GALNT16: variants seen among roughly 807,000 people sequenced by gnomAD.
The protein encoded by GALNT16 is polypeptide N-acetylgalactosaminyltransferase 16, also known as UDP-GalNAc:polypeptide N-acetylgalactosaminyltransferase-like protein 1.
GALNT16 carries 40 observed loss-of-function variants against 76.1 expected under a neutral mutation model. The ratio of observed to expected loss-of-function variants is 0.53; its 90% CI spans 0.41 to 0.68. The LOEUF (loss-of-function observed/expected upper bound fraction) is 0.68. Ranked by LOEUF, GALNT16 falls within the 30% of genes least tolerant of loss-of-function variation. The pLI, the probability that GALNT16 is intolerant of heterozygous loss-of-function variation, is 0.00. For missense variants in GALNT16, 621 were observed against 731.9 expected, an observed-to-expected ratio of 0.85 and a Z score of 1.75; for synonymous variants, 276 against 285.2, an observed-to-expected ratio of 0.97 and a Z score of 0.32.
intron 1 of GALNT16, among the ~76,000 whole-genome samples, chr14:69,266,628 T>C (rs539561134): frequency 2.6e-5 from 4 of 152,212 alleles, no homozygotes; most frequent in Non-Finnish European, 5.9e-5. Flanking sequence ...CACAGAACCA[T>C]CCAACATGGG....
Position 69,333,679 on chromosome 14 carries a change from C to CTCT in GALNT16, c.967+79_967+80insTCT. The CTCT allele has an allele frequency of 1.3e-6, 1 of 779,912 alleles. No homozygotes were observed. The allele number at this position is 779,912 out of a possible 1,614,324, so 48.3% of individuals were successfully genotyped here. A position where few individuals can be genotyped will look rare whatever the true frequency, so the allele number is the denominator to read the frequency against. ...TAACCCTGACAGAGCACTTTCTATG[C>CTCT]GTGAGGACCTGCTCTAAGGACTTTA... On this transcript the variant is annotated intron_variant, in intron 9 of 14. Transcript: ENST00000448469. The surrounding 1 kb of genome is among the most constrained non-coding windows in gnomAD (Gnocchi z 4.2).
At chr14:69,316,155 A>T (rs2045097655) in intron 1 of GALNT16, among the ~76,000 whole-genome samples, 1 of 152,180 alleles carries the variant, frequency 6.6e-6, no homozygotes, top group East Asian at 1.9e-4. Flanking sequence ...GTCCTGCCAG[A>T]AGCCTATGAG....
At chr14:69,381,267 AAAAAAC>A in the GALNT16 span, among the ~76,000 whole-genome samples, 1 of 152,222 alleles carries the variant, frequency 6.6e-6, no homozygotes, top group African/African-American at 2.4e-5. Flanking sequence ...CTCCATCTCA[AAAAAAC>A]AAAAACAACA....
chr14:69,325,378 T>C lies in GALNT16; in HGVS notation c.476T>C (p.Ile159Thr). The C allele has an allele frequency of 6.3e-7, 1 of 1,597,984 alleles. No homozygotes were observed. The highest frequency in any genetic ancestry group is 1.3e-5 in the African/African-American group (1 of 74,648). Reference protein sequence around the residue: ...RTPANLIQEIILVDDFSSDPE... With the variant: ...RTPANLIQEITLVDDFSSDPE... The stretch of plus-strand genomic sequence containing the variant: ...CCTGCCAACTTGATCCAGGAGATCA[T>C]TTTAGTGGATGACTTCAGCTCAGAT... The change falls in exon 4 of 15, where the codon ATT (isoleucine) becomes ACT (threonine). Residue 159 changes from isoleucine to threonine, a missense_variant. Ile to Thr is a moderately conservative substitution (Grantham distance 89, BLOSUM62 -1). Transcript: ENST00000448469.
rs2045574072 is a variant in GALNT16, at chr14:69,347,029, T to C, written c.1272-11T>C. On this transcript the variant is annotated splice_polypyrimidine_tract_variant and intron_variant, in intron 12 of 14. Transcript: ENST00000448469. ...GGAAAGCACAAGCCTGACTGCTGCC[T>C]TTTCTCTCAGGGTCCCCGTGAAGGA... The C allele has an allele frequency of 6.2e-7, 1 of 1,613,776 alleles. No individual in the cohort carries two copies. Among genetic ancestry groups the C allele is most frequent in the African/African-American group, 1.3e-5 (1 of 74,896 alleles).
the GALNT16 span, chr14:69,380,172 G>T: frequency 1.2e-5 from 2 of 168,920 alleles, no homozygotes; most frequent in East Asian, 1.6e-4. Flanking sequence ...ACTTTATCTT[G>T]AGGACATGGC....
intron 1 of GALNT16, among the ~76,000 whole-genome samples, chr14:69,307,281 C>G (rs968454396): frequency 2.6e-5 from 4 of 152,324 alleles, no homozygotes; most frequent in African/African-American, 9.6e-5. Flanking sequence ...GACAAACGTA[C>G]CTCGAGCAGC....
At chr14:69,300,810 C>T (rs1243695176) in intron 1 of GALNT16, among the ~76,000 whole-genome samples, 1 of 152,166 alleles carries the variant, frequency 6.6e-6, no homozygotes, top group African/African-American at 2.4e-5. Context: ...TACCCCCACA[C>T]TCCCCTCCCC....
chr14:69,377,484 T>C, the GALNT16 span, among the ~76,000 whole-genome samples: 1 of 152,210 alleles, frequency 6.6e-6, no homozygotes, highest in Admixed American at 6.6e-5. Flanking sequence ...AGTATCATTA[T>C]GCTAACATAT....
chr14:69,314,465 C>A (rs2045071858), intron 1 of GALNT16, among the ~76,000 whole-genome samples: 1 of 152,182 alleles, frequency 6.6e-6, no homozygotes. Flanking sequence ...GGAGCAGACT[C>A]CTGAGGGACC....
chr14:69,296,172 A>AGAG (rs1359049725), intron 1 of GALNT16, among the ~76,000 whole-genome samples: 1 of 152,104 alleles, frequency 6.6e-6, no homozygotes. Context: ...TAGGAGGAAG[A>AGAG]GAGGAGGAGG....
intron 1 of GALNT16, among the ~76,000 whole-genome samples, chr14:69,283,847 T>G (rs1258981475): frequency 2.6e-5 from 4 of 152,216 alleles, no homozygotes; most frequent in Non-Finnish European, 4.4e-5. Flanking sequence ...TTCATTCATT[T>G]AAGATATATT....
Position 69,352,063 on chromosome 14 carries a change from T to G in GALNT16, c.1572T>G (p.His524Gln). 1 of 1,613,946 alleles carries G rather than the reference T, an allele frequency of 6.2e-7. No homozygotes were observed. Among genetic ancestry groups the G allele is most frequent in the Non-Finnish European group, 8.5e-7 (1 of 1,179,780 alleles). ...KWRRKGSFIQ[H>Q]SVSGLCLETK... is the part of the protein sequence containing the mutation. ...GGAGAAAAGGATCTTTCATCCAGCATTCAGTCAGTGGCCTCTGCCTGGAGA... is the reference window on the plus strand; with the variant it reads ...GGAGAAAAGGATCTTTCATCCAGCAGTCAGTCAGTGGCCTCTGCCTGGAGA... Residue 524 changes from histidine (H) to glutamine (Q), a missense_variant, in exon 15 of 15, where the codon CAT becomes CAG. Physicochemically the swap from His to Gln is conservative, Grantham distance 24. Coordinates refer to ENST00000448469, the MANE Select transcript of GALNT16 (RefSeq NM_001168368.2).
intron 1 of GALNT16, among the ~76,000 whole-genome samples, chr14:69,304,023 A>G (rs547519065): frequency 6.6e-6 from 1 of 152,132 alleles, no homozygotes; most frequent in African/African-American, 2.4e-5. Context: ...AATGTGTTCT[A>G]TTTAAGGAGT....
chr14:69,269,318 A>C (rs1473090914), intron 1 of GALNT16, among the ~76,000 whole-genome samples: 1 of 144,886 alleles, frequency 6.9e-6, no homozygotes, highest in Admixed American at 6.8e-5. Flanking sequence ...GTGTATGTGT[A>C]GTGTGTATGT....
chr14:69,370,477 T>C, the GALNT16 span, among the ~76,000 whole-genome samples: 1 of 152,204 alleles, frequency 6.6e-6, no homozygotes, highest in Admixed American at 6.5e-5. Flanking sequence ...TTAGAAGTGT[T>C]CCTACTGGCT....
chr14:69,281,679 G>A (rs111742191), intron 1 of GALNT16, among the ~76,000 whole-genome samples: 5 of 152,242 alleles, frequency 3.3e-5, no homozygotes, highest in African/African-American at 1.2e-4. Flanking sequence ...ATGTGCTCAC[G>A]TGACCCCAAG....
chr14:69,376,724 G>T, the GALNT16 span, among the ~76,000 whole-genome samples: 2 of 152,066 alleles, frequency 1.3e-5, no homozygotes, highest in Non-Finnish European at 2.9e-5. Flanking sequence ...ATGGTGCAAT[G>T]TATTACTAGA....
chr14:69,264,211 T>C (rs1485951498), intron 1 of GALNT16, among the ~76,000 whole-genome samples: 1 of 152,250 alleles, frequency 6.6e-6, no homozygotes, highest in East Asian at 1.9e-4. Context: ...GTGAAAGATT[T>C]AGGCAAGAAT....
Sources: gnomAD v4.1 joint callset for allele counts (sites outside exome capture counted in the v4.1 genomes callset) on GRCh38, gnomAD v4.1.1 for gene constraint, Gnocchi (gnomAD v3.1) non-coding constraint, MANE v1.5 for transcripts, NCBI Gene and HGNC (gene_info 2026-07-23, HGNC 2026-07-21) for gene names.